The following POU6F2 variants were observed in gnomAD, a reference collection of about 807,000 sequenced individuals.
The protein encoded by POU6F2 is POU class 6 homeobox 2, also known as POU domain, class 6, transcription factor 2.
POU6F2 carries 31 observed loss-of-function variants against 71.3 expected under a neutral mutation model. That is an observed-to-expected ratio of 0.43 (90% CI 0.33 to 0.59). The LOEUF (loss-of-function observed/expected upper bound fraction) is 0.59. POU6F2 is among the 20% of genes least tolerant of loss of function. The probability of loss-of-function intolerance (pLI) is 0.04; values close to 1 mark genes in which losing one functional copy is unlikely to be tolerated. For synonymous variants in POU6F2, 347 were observed against 355.7 expected, an observed-to-expected ratio of 0.98 and a Z score of 0.27; for missense variants, 783 against 856.8, an observed-to-expected ratio of 0.91 and a Z score of 1.07.
intron 5 of POU6F2, among the ~76,000 whole-genome samples, chr7:39,373,269 A>G (rs2115761594): frequency 6.6e-6 from 1 of 152,286 alleles, no homozygotes; most frequent in African/African-American, 2.4e-5. Context: ...GAGGGGTACA[A>G]AGAAGATGGG....
At chr7:39,166,294 T>C (rs1793114425) in intron 2 of POU6F2, among the ~76,000 whole-genome samples, 2 of 152,200 alleles carry the variant, frequency 1.3e-5, no homozygotes, top group African/African-American at 4.8e-5. Flanking sequence ...AAAATAACTT[T>C]GGAAAATGCT....
At chr7:39,135,612 T>TA (rs1234552336) in intron 2 of POU6F2, among the ~76,000 whole-genome samples, 5 of 152,136 alleles carry the variant, frequency 3.3e-5, no homozygotes, top group South Asian at 4.2e-4. Context: ...CTATTCCTGA[T>TA]AAAAAACCTC....
At chr7:39,338,772 C>T (rs1317921757) in intron 4 of POU6F2, among the ~76,000 whole-genome samples, 1 of 152,210 alleles carries the variant, frequency 6.6e-6, no homozygotes, top group Non-Finnish European at 1.5e-5. Context: ...TAACCAGCTT[C>T]CTTCTGCAGA....
chr7:39,275,952 G>A lies in POU6F2; in HGVS notation c.599-63690G>A, dbSNP rs950419580. ...TAGACCTAAAACCATAAAAACCCTA[G>A]AAGAAAACCTAGGCATTACCATTCA... is the stretch of plus-strand genomic sequence containing the variant. On this transcript the variant is annotated intron_variant, in intron 4 of 9. Coordinates refer to ENST00000518318, the MANE Select transcript of POU6F2 (RefSeq NM_001370959.1). 4.6e-5 allele frequency among the ~76,000 whole-genome samples: 7 copies of A among 152,064 alleles called. No homozygotes were observed. The East Asian group carries it at 1.2e-3, about 25-fold the overall frequency.
chr7:39,098,905 A>C (rs2128723235), intron 2 of POU6F2, among the ~76,000 whole-genome samples: 1 of 152,344 alleles, frequency 6.6e-6, no homozygotes, highest in Non-Finnish European at 1.5e-5. Context: ...AAAACCAACA[A>C]AAATTGTGGC....
intron 1 of POU6F2, among the ~76,000 whole-genome samples, chr7:38,998,834 T>A (rs952355080): frequency 7.4e-5 from 10 of 135,190 alleles, no homozygotes; most frequent in African/African-American, 2.4e-4. Flanking sequence ...TTTTTTTTTT[T>A]TTTTTATTTT....
intron 2 of POU6F2, among the ~76,000 whole-genome samples, chr7:39,142,580 G>A (rs1343011206): frequency 6.6e-6 from 1 of 152,156 alleles, no homozygotes; most frequent in Non-Finnish European, 1.5e-5. Context: ...AATGAAATTA[G>A]GTTTTCCATG....
At chr7:39,140,895 T>C (rs2128731747) in intron 2 of POU6F2, among the ~76,000 whole-genome samples, 1 of 152,224 alleles carries the variant, frequency 6.6e-6, no homozygotes, top group East Asian at 1.9e-4. Context: ...GGAGGTGGGC[T>C]CGAGGGTCAG....
chr7:39,272,308 C>T (rs1306743186), intron 4 of POU6F2, among the ~76,000 whole-genome samples: 1 of 152,188 alleles, frequency 6.6e-6, no homozygotes, highest in Non-Finnish European at 1.5e-5. Context: ...CCCTCCTCCA[C>T]TCCCATCACA....
At chr7:39,275,686 A>G (rs1784424193) in intron 4 of POU6F2, among the ~76,000 whole-genome samples, 1 of 152,362 alleles carries the variant, frequency 6.6e-6, no homozygotes, top group Middle Eastern at 3.4e-3. Flanking sequence ...ACAGCATGGT[A>G]CAGGTACCAA....
chr7:39,290,054 C>A (rs1784722498), intron 4 of POU6F2, among the ~76,000 whole-genome samples: 1 of 152,074 alleles, frequency 6.6e-6, no homozygotes, highest in Non-Finnish European at 1.5e-5. Context: ...AGATAAAGCA[C>A]CATCCAAAGT....
chr7:39,209,507 TC>T (rs980658511), intron 4 of POU6F2, among the ~76,000 whole-genome samples: 1 of 152,194 alleles, frequency 6.6e-6, no homozygotes, highest in Non-Finnish European at 1.5e-5. Flanking sequence ...ATAAATCACC[TC>T]CCAGTTGCAA....
intron 2 of POU6F2, among the ~76,000 whole-genome samples, chr7:39,146,991 A>G (rs1792637563): frequency 6.6e-6 from 1 of 152,192 alleles, no homozygotes; most frequent in African/African-American, 2.4e-5. Flanking sequence ...AGGTACAAAA[A>G]AGAGCTTAAC....
intron 4 of POU6F2, among the ~76,000 whole-genome samples, chr7:39,324,048 C>T (rs1255715625): frequency 1.4e-5 from 2 of 145,936 alleles, no homozygotes; most frequent in Non-Finnish European, 3.0e-5. Context: ...GCGGAGCTTG[C>T]AGTGAGCCAA....
At chr7:39,352,563 A>C (rs111479637) in intron 5 of POU6F2, among the ~76,000 whole-genome samples, 1,924 of 152,306 alleles carry the variant, frequency 0.013, 38 homozygotes, top group African/African-American at 0.044. Context: ...GGTTCGGAGA[A>C]ATTCCTTAAC....
intron 2 of POU6F2, among the ~76,000 whole-genome samples, chr7:39,158,408 C>A (rs1792917851): frequency 6.6e-6 from 1 of 152,038 alleles, no homozygotes; most frequent in African/African-American, 2.4e-5. Context: ...GGGACATAAC[C>A]AATAGGATAT....
chr7:39,019,416 AT>A (rs753320730), intron 1 of POU6F2, among the ~76,000 whole-genome samples: 3 of 151,930 alleles, frequency 2.0e-5, no homozygotes, highest in East Asian at 3.9e-4. Flanking sequence ...ATGTTCTTAG[AT>A]TTTTTTTCCT....
chr7:39,078,688 A>G (rs773527857), intron 1 of POU6F2, among the ~76,000 whole-genome samples: 12 of 152,194 alleles, frequency 7.9e-5, no homozygotes, highest in Non-Finnish European at 1.6e-4. Context: ...AAAGAGGTAA[A>G]TGGTAAATAT....
chr7:39,059,172 C>G (rs1488690956), intron 1 of POU6F2, among the ~76,000 whole-genome samples: 4 of 152,112 alleles, frequency 2.6e-5, no homozygotes, highest in Non-Finnish European at 5.9e-5. Flanking sequence ...TGTGCCCTAT[C>G]AGCTCACGTG....
Sources: gnomAD v4.1 joint callset for allele counts (sites outside exome capture counted in the v4.1 genomes callset) on GRCh38, gnomAD v4.1.1 for gene constraint, MANE v1.5 for transcripts, NCBI Gene and HGNC (gene_info 2026-07-23, HGNC 2026-07-21) for gene names.